Variants in LOXHD1 observed in about 807,000 individuals in gnomAD.
LOXHD1 encodes the protein lipoxygenase homology PLAT domains 1, also known as lipoxygenase homology domain-containing protein 1.
LOXHD1 carries 205 observed loss-of-function variants against 248.2 expected under a neutral mutation model. The ratio of observed to expected loss-of-function variants is 0.83; its 90% CI spans 0.74 to 0.93. The LOEUF is 0.93. Ranked by LOEUF, LOXHD1 falls within the 40% of genes least tolerant of loss-of-function variation. LOXHD1 has a pLI of 0.00. For missense variants in LOXHD1, 2,930 were observed against 2,971.6 expected (o/e 0.99, Z 0.33); for synonymous variants, 1,113 against 1,162.8 (o/e 0.96, Z 0.87).
chr18:46,580,831 A>G (rs1030442995), intron 12 of LOXHD1, among the ~76,000 whole-genome samples: 13 of 152,176 alleles, frequency 8.5e-5, no homozygotes, highest in African/African-American at 3.1e-4. Flanking sequence ...AAGTTAGATA[A>G]TTCTGGCAAG....
At chr18:46,528,794 C>T (rs887810254) in intron 29 of LOXHD1, among the ~76,000 whole-genome samples, 1 of 152,216 alleles carries the variant, frequency 6.6e-6, no homozygotes, top group Non-Finnish European at 1.5e-5. Context: ...CTCCACCCCA[C>T]AGTTCAAGTC....
At chr18:46,646,064 G>A (rs9964620) in intron 2 of LOXHD1, among the ~76,000 whole-genome samples, 1 of 152,242 alleles carries the variant, frequency 6.6e-6, no homozygotes, top group Admixed American at 6.5e-5. Flanking sequence ...TCAGTGAAGT[G>A]TGTTACACAC....
At chr18:46,480,016 C>A (rs1464943959) in intron 40 of LOXHD1, among the ~76,000 whole-genome samples, 1 of 152,120 alleles carries the variant, frequency 6.6e-6, no homozygotes, top group Non-Finnish European at 1.5e-5. Context: ...GTTTTGAGAT[C>A]CTTCTTCCCC....
At chr18:46,491,078 A>G (rs1184011919) in intron 37 of LOXHD1, among the ~76,000 whole-genome samples, 1 of 152,240 alleles carries the variant, frequency 6.6e-6, no homozygotes, top group Non-Finnish European at 1.5e-5. Flanking sequence ...GGCAGAGAAA[A>G]AGGCGACAAG....
At chr18:46,600,139 A>G (rs2038312555) in intron 8 of LOXHD1, among the ~76,000 whole-genome samples, 1 of 152,246 alleles carries the variant, frequency 6.6e-6, no homozygotes, top group Non-Finnish European at 1.5e-5. Context: ...AGGATTGCTC[A>G]TAGTAGTAAA....
chr18:46,548,340 T>G (rs1042747827), intron 21 of LOXHD1, among the ~76,000 whole-genome samples: 15 of 152,190 alleles, frequency 9.9e-5, no homozygotes, highest in Admixed American at 5.9e-4. Context: ...AAAGGTCCCA[T>G]CCCTGTCTGA....
At chr18:46,625,055 A>C (rs2038721310) in intron 4 of LOXHD1, among the ~76,000 whole-genome samples, 1 of 152,158 alleles carries the variant, frequency 6.6e-6, no homozygotes, top group Admixed American at 6.5e-5. Context: ...TGGAAGCAGG[A>C]GCTTAAGAAG....
chr18:46,562,648 G>A (rs1000954754), intron 18 of LOXHD1, among the ~76,000 whole-genome samples: 2 of 152,160 alleles, frequency 1.3e-5, no homozygotes, highest in Non-Finnish European at 2.9e-5. Flanking sequence ...ATGAGTGGAG[G>A]AACTGCAGCC....
downstream of LOXHD1, chr18:46,477,079 C>T: frequency 1.4e-6 from 1 of 701,732 alleles, no homozygotes; most frequent in Non-Finnish European, 2.6e-6. Flanking sequence ...ATTTAATTAG[C>T]CTAGCTTTTT....
Position 46,533,125 on chromosome 18 carries a change from C to T in LOXHD1, c.4375+37G>A, listed in dbSNP as rs1471157422. Reference sequence around the variant, plus strand: ...CTCAGGAGGACCAGGGTCCTGGAGCCTTCCCATGGTGATGAGGGTGGCCAC... The same window carrying T: ...CTCAGGAGGACCAGGGTCCTGGAGCTTTCCCATGGTGATGAGGGTGGCCAC... On this transcript the variant is annotated intron_variant, in intron 28 of 40. Coordinates refer to ENST00000642948, the MANE Select transcript of LOXHD1 (RefSeq NM_001384474.1). 11 of 1,549,392 alleles carry T rather than the reference C, an allele frequency of 7.1e-6. No individual in the cohort carries two copies. In the Admixed American group the frequency reaches 2.0e-4, roughly 28 times the overall value.
At chr18:46,581,554 A>G (rs1405936672) in intron 12 of LOXHD1, among the ~76,000 whole-genome samples, 2 of 152,204 alleles carry the variant, frequency 1.3e-5, no homozygotes, top group Non-Finnish European at 2.9e-5. Context: ...CATCATAGGT[A>G]TATGGAGTCC....
Position 46,593,716 on chromosome 18 carries a change from C to T in LOXHD1, c.1315G>A (p.Ala439Thr). Reference protein sequence around the residue: ...LWVWTTDLKKAGTNSPIFIQI... With the variant: ...LWVWTTDLKKTGTNSPIFIQI... ...ATGAAGATGGGAGAGTTGGTACCAG[C>T]TTTCTTTAGGTCGGTTGTCCAGACC... Residue 439 changes from alanine to threonine, a missense_variant, in exon 10 of 41, where the codon GCT becomes ACT. Physicochemically the swap from Ala to Thr is moderately conservative, Grantham distance 58 (BLOSUM62 0). Coordinates refer to ENST00000642948, the MANE Select transcript of LOXHD1 (RefSeq NM_001384474.1). The T allele has an allele frequency of 6.4e-7, 1 of 1,552,176 alleles. No individual in the cohort carries two copies. The highest frequency in any genetic ancestry group is 8.7e-7 in the Non-Finnish European group (1 of 1,147,096).
chr18:46,524,484 A>C lies in LOXHD1; in HGVS notation c.4858T>G (p.Tyr1620Asp), dbSNP rs2035728138. 2 of 1,551,460 alleles carry C rather than the reference A, an allele frequency of 1.3e-6. No individual in the cohort carries two copies. Among genetic ancestry groups the C allele is most frequent in the South Asian group, 1.2e-5 (1 of 84,060 alleles). Residue 1620 changes from tyrosine (Y) to aspartate (D), a missense_variant, in exon 31 of 41, where the codon TAC becomes GAC. Tyr to Asp is a radical substitution (Grantham distance 160). Coordinates refer to ENST00000642948, the MANE Select transcript of LOXHD1 (RefSeq NM_001384474.1). ...GGCTTACTTGGGCCCTCTTGAACGT[A>C]GTCAGCCATGGGCCCGGTCACTGTG... ...ISTVTGPMAD[Y>D]VQEGPIIPYY...
intron 23 of LOXHD1, 140 bp from the exon 24 acceptor site, chr18:46,542,995 T>G (rs62097067): frequency 1.1e-4 from 135 of 1,207,726 alleles, no homozygotes; most frequent in Non-Finnish European, 1.3e-4. Flanking sequence ...TATCATCCAT[T>G]GGCCACCTTT....
intron 12 of LOXHD1, among the ~76,000 whole-genome samples, chr18:46,590,409 G>A (rs763825179): frequency 3.9e-5 from 6 of 152,166 alleles, no homozygotes; most frequent in African/African-American, 7.2e-5. Context: ...AATAGAGACC[G>A]AGAATCTAAA....
At chr18:46,572,737 A>C (rs1300216224) in intron 14 of LOXHD1, among the ~76,000 whole-genome samples, 4 of 152,140 alleles carry the variant, frequency 2.6e-5, no homozygotes, top group African/African-American at 9.7e-5. Context: ...ATGCTAGGAT[A>C]CGTAAGGCCC....
At chr18:46,518,376 C>G in intron 33 of LOXHD1, 120 bp from the exon 34 acceptor site, 1 of 1,246,178 alleles carries the variant, frequency 8.0e-7, no homozygotes, top group South Asian at 1.6e-5. Context: ...TGGAAAGAGC[C>G]CTTCCTCAAA....
intron 26 of LOXHD1, among the ~76,000 whole-genome samples, chr18:46,537,827 T>G (rs1051131221): frequency 6.6e-6 from 1 of 152,164 alleles, no homozygotes; most frequent in Non-Finnish European, 1.5e-5. Flanking sequence ...AACCAGCAAG[T>G]CTGGGAGCTA....
chr18:46,579,563 A>G, intron 13 of LOXHD1, 67 bp downstream of exon 13: 1 of 1,544,514 alleles, frequency 6.5e-7, no homozygotes, highest in Non-Finnish European at 8.8e-7. Flanking sequence ...CAGGGCAGGG[A>G]AGACGAGGGA....
Sources: allele counts gnomAD v4.1 joint callset (sites outside exome capture counted in the v4.1 genomes callset), GRCh38; gene constraint gnomAD v4.1.1; transcripts MANE v1.5; gene names NCBI Gene and HGNC (gene_info 2026-07-23, HGNC 2026-07-21).